SGCZ: variants seen among roughly 807,000 people sequenced by gnomAD.
The protein encoded by SGCZ is zeta-sarcoglycan.
A neutral mutation model predicts 41.3 loss-of-function variants in SGCZ; 40 were observed. The ratio of observed to expected loss-of-function variants is 0.97; its 90% confidence interval spans 0.75 to 1.26. The LOEUF is 1.26. Among genes scored for constraint, SGCZ ranks in the 50% most tolerant of loss-of-function variants. The pLI, the probability that SGCZ is intolerant of heterozygous loss-of-function variation, is 0.00. For synonymous variants in SGCZ, 206 were observed against 137.5 expected, an observed-to-expected ratio of 1.50 and a Z score of -3.49; for missense variants, 552 against 369.8, an observed-to-expected ratio of 1.49 and a Z score of -4.04.
chr8:14,347,078 T>C, intron 2 of SGCZ, among the ~76,000 whole-genome samples: 1 of 152,144 alleles, frequency 6.6e-6, no homozygotes, highest in Non-Finnish European at 1.5e-5. Flanking sequence ...TTAGCCCTCG[T>C]TAGTTGCCAG....
intron 1 of SGCZ, among the ~76,000 whole-genome samples, chr8:14,803,249 T>G (rs974636902): frequency 6.6e-6 from 1 of 151,954 alleles, no homozygotes; most frequent in African/African-American, 2.4e-5. Flanking sequence ...TAGGAACAGC[T>G]CCTGTCTACA....
intron 1 of SGCZ, among the ~76,000 whole-genome samples, chr8:14,920,383 T>C (rs781590552): frequency 3.9e-5 from 6 of 152,216 alleles, no homozygotes; most frequent in Non-Finnish European, 8.8e-5. Flanking sequence ...GACAACCTGT[T>C]CAAATGCACT....
intron 1 of SGCZ, among the ~76,000 whole-genome samples, chr8:15,029,637 T>C (rs142562290): frequency 2.8e-4 from 43 of 152,276 alleles, no homozygotes; most frequent in Non-Finnish European, 5.3e-4. Context: ...GGGGAAATGT[T>C]ACTTGAGGAT....
At chr8:14,092,643 A>G (rs1479901493) in intron 7 of SGCZ, among the ~76,000 whole-genome samples, 1 of 151,866 alleles carries the variant, frequency 6.6e-6, no homozygotes, top group Non-Finnish European at 1.5e-5. Context: ...ACAAGATCTG[A>G]TGGTTTTATA....
At chr8:14,474,229 G>C (rs1387484293) in intron 2 of SGCZ, among the ~76,000 whole-genome samples, 4 of 152,160 alleles carry the variant, frequency 2.6e-5, no homozygotes, top group Admixed American at 6.5e-5. Flanking sequence ...CTAAACACAT[G>C]AAAACGAGAA....
intron 1 of SGCZ, among the ~76,000 whole-genome samples, chr8:15,132,330 C>G (rs552433888): frequency 3.4e-4 from 52 of 152,310 alleles, no homozygotes; most frequent in Admixed American, 7.2e-4. Flanking sequence ...CCTGAGTCCA[C>G]TGTCTTCACA....
intron 2 of SGCZ, among the ~76,000 whole-genome samples, chr8:14,394,153 T>TCC (rs1563300661): frequency 7.1e-4 from 62 of 87,674 alleles, no homozygotes; most frequent in African/African-American, 2.2e-3. Context: ...CTTTTTTTTT[T>TCC]TTTTTTTTTT....
intron 1 of SGCZ, among the ~76,000 whole-genome samples, chr8:14,587,743 T>C (rs1399344445): frequency 1.3e-5 from 2 of 152,212 alleles, no homozygotes; most frequent in Non-Finnish European, 2.9e-5. Flanking sequence ...TGATGTTCAA[T>C]ACTAAGTGTA....
chr8:14,411,898 A>G (rs540650872), intron 2 of SGCZ, among the ~76,000 whole-genome samples: 89 of 152,250 alleles, frequency 5.8e-4, no homozygotes, highest in Non-Finnish European at 9.1e-4. Context: ...CAAGTATTTC[A>G]ATCTTACATG....
At chr8:14,734,015 C>T (rs975484964) in intron 1 of SGCZ, among the ~76,000 whole-genome samples, 2 of 152,196 alleles carry the variant, frequency 1.3e-5, no homozygotes, top group Non-Finnish European at 2.9e-5. Flanking sequence ...AGAAGCTGAA[C>T]TAGTTTTCTA....
At chr8:15,015,753 G>C (rs948713662) in intron 1 of SGCZ, among the ~76,000 whole-genome samples, 4 of 150,290 alleles carry the variant, frequency 2.7e-5, no homozygotes, top group South Asian at 2.1e-4. Flanking sequence ...GTGTGTGTGT[G>C]TGTGTGTGTG....
At chr8:14,295,453 A>G (rs1445509499) in intron 3 of SGCZ, among the ~76,000 whole-genome samples, 2 of 152,184 alleles carry the variant, frequency 1.3e-5, no homozygotes, top group African/African-American at 4.8e-5. Context: ...TACAATCAAG[A>G]ATCTGTCCAT....
At chr8:14,598,917 T>C (rs1805499921) in intron 1 of SGCZ, among the ~76,000 whole-genome samples, 1 of 152,140 alleles carries the variant, frequency 6.6e-6, no homozygotes, top group African/African-American at 2.4e-5. Context: ...ATGATTTAGA[T>C]TTTAGTATTA....
intron 1 of SGCZ, among the ~76,000 whole-genome samples, chr8:14,909,699 A>G (rs1210072664): frequency 1.3e-5 from 2 of 152,054 alleles, no homozygotes; most frequent in Non-Finnish European, 2.9e-5. Context: ...CTAACCAATA[A>G]CTCAGCCTGG....
chr8:14,283,908 A>G lies in SGCZ; in HGVS notation c.336+40195T>C, dbSNP rs117756261. ...TTCAATTGACCTAAGAAACTTTTGT[A>G]GAATTTGTTCTTGTTTAAAACTTAT... On this transcript the variant is annotated intron_variant, in intron 3 of 7. Transcript: ENST00000382080. 8.4e-3 allele frequency among the ~76,000 whole-genome samples: 1,277 copies of G among 152,334 alleles called. 12 individuals are homozygous for G. The highest frequency in any genetic ancestry group is 0.014 in the Non-Finnish European group (952 of 68,032).
intron 1 of SGCZ, among the ~76,000 whole-genome samples, chr8:14,820,856 TA>T (rs1802054646): frequency 7.4e-6 from 1 of 136,038 alleles, no homozygotes; most frequent in African/African-American, 3.0e-5. Context: ...AGGTTAGCAA[TA>T]AACCCCTAGA....
At chr8:15,217,455 C>CTTT in intron 1 of SGCZ, among the ~76,000 whole-genome samples, 1 of 141,460 alleles carries the variant, frequency 7.1e-6, no homozygotes, top group South Asian at 2.3e-4. Flanking sequence ...AAAAATACCT[C>CTTT]TTTTTTTTTT....
chr8:14,398,431 G>T (rs1209347307), intron 2 of SGCZ, among the ~76,000 whole-genome samples: 2 of 152,042 alleles, frequency 1.3e-5, no homozygotes, highest in Non-Finnish European at 2.9e-5. Context: ...GTCACTAAAG[G>T]CCTATCTTAT....
At chr8:14,549,924 G>C (rs1297338497) in intron 2 of SGCZ, among the ~76,000 whole-genome samples, 1 of 151,910 alleles carries the variant, frequency 6.6e-6, no homozygotes, top group Non-Finnish European at 1.5e-5. Context: ...AAGTTGGTAA[G>C]GTCAACAAAA....
Sources: allele counts gnomAD v4.1 joint callset (sites outside exome capture counted in the v4.1 genomes callset), GRCh38; gene constraint gnomAD v4.1.1; transcripts MANE v1.5; gene names NCBI Gene and HGNC (gene_info 2026-07-23, HGNC 2026-07-21).